Variants in TP53BP1 observed in about 807,000 individuals in gnomAD.
TP53BP1 encodes the protein tumor protein p53 binding protein 1.
In TP53BP1, 61 loss-of-function variants were observed where a neutral mutation model predicts 200.8. The ratio of observed to expected loss-of-function variants is 0.30; its 90% CI spans 0.25 to 0.38. The LOEUF (loss-of-function observed/expected upper bound fraction) is 0.38, where lower values mean the gene tolerates loss of function less well. TP53BP1 is among the 10% of genes least tolerant of loss of function. The probability of loss-of-function intolerance (pLI) is 1.00; values close to 1 mark genes in which losing one functional copy is unlikely to be tolerated. For missense variants in TP53BP1, 2,144 were observed against 2,371.9 expected, an observed-to-expected ratio of 0.90 and a Z score of 2.00; for synonymous variants, 822 against 844.3, an observed-to-expected ratio of 0.97 and a Z score of 0.46.
chr15:43,410,726 G>A (rs910633076), intron 24 of TP53BP1, among the ~76,000 whole-genome samples: 2 of 152,118 alleles, frequency 1.3e-5, no homozygotes, highest in African/African-American at 4.8e-5. Flanking sequence ...ACACCCAGTA[G>A]TAAAACTTAG....
upstream of TP53BP1, among the ~76,000 whole-genome samples, chr15:43,495,536 A>C (rs1180841241): frequency 2.9e-5 from 3 of 104,454 alleles, no homozygotes; most frequent in Admixed American, 9.3e-5. Context: ...CACACACAAA[A>C]GCCAGGTGCG....
At chr15:43,435,971 C>T (rs2045787476) in intron 16 of TP53BP1, among the ~76,000 whole-genome samples, 1 of 151,972 alleles carries the variant, frequency 6.6e-6, no homozygotes, top group East Asian at 1.9e-4. Flanking sequence ...GCTGGGATTA[C>T]AGGTGTGAGC....
chr15:43,441,662 C>T, intron 14 of TP53BP1, 79 bp from the exon 15 acceptor site: 2 of 916,868 alleles, frequency 2.2e-6, no homozygotes, highest in Non-Finnish European at 3.6e-6. Context: ...CTTCACTCTG[C>T]TCTACTAGTA....
At chr15:43,455,758 C>T in intron 12 of TP53BP1, 134 bp downstream of exon 12, 1 of 1,160,682 alleles carries the variant, frequency 8.6e-7, no homozygotes, top group East Asian at 2.6e-5. Flanking sequence ...TTTAATTTCC[C>T]AATTATTATT....
At chr15:43,493,509 G>T (rs2079158262), upstream of TP53BP1, among the ~76,000 whole-genome samples, 1 of 152,056 alleles carries the variant, frequency 6.6e-6, no homozygotes, top group Non-Finnish European at 1.5e-5. Context: ...CCTGGAAAAG[G>T]AGAGAGTTTC....
In TP53BP1 at chr15:43,404,497, C is replaced by T. The variant is rs745984711; in HGVS notation, c.*2886G>A. ...GATCAACTCAGATTTGGCTCAACTA[C>T]TGTTACGACTAGATTATAACAAATA... On this transcript the variant is annotated 3_prime_UTR_variant, in exon 28 of 28. Transcript: ENST00000382044. The T allele has an allele frequency of 1.9e-6, 3 of 1,614,166 alleles. No individual in the cohort carries two copies. The highest frequency in any genetic ancestry group is 1.6e-4 in the Middle Eastern group (1 of 6,062).
Position 43,432,254 on chromosome 15 carries a change from C to G in TP53BP1, c.3615G>C (p.Arg1205Ser). 5 of 1,614,172 alleles carry G rather than the reference C, an allele frequency of 3.1e-6. No homozygotes were observed. The highest frequency in any genetic ancestry group is 3.4e-6 in the Non-Finnish European group (4 of 1,180,008). ...GKQDATVQTE[R>S]GSGEKPVSAP... Reference sequence around the variant, plus strand: ...CACTGACTGGTTTCTCACCACTCCCCCTCTCAGTCTGAACTGTGGCATCTT... The same window carrying G: ...CACTGACTGGTTTCTCACCACTCCCGCTCTCAGTCTGAACTGTGGCATCTT... The change falls in exon 17 of 28, where the codon AGG becomes AGC. Residue 1205 changes from arginine (R) to serine (S), a missense_variant. By Grantham distance (110) the Arg-to-Ser change is moderately radical. Transcript: ENST00000382044.
chr15:43,466,726 G>A (rs1050686740), intron 11 of TP53BP1, among the ~76,000 whole-genome samples: 3 of 152,122 alleles, frequency 2.0e-5, no homozygotes, highest in African/African-American at 7.2e-5. Context: ...GTGTGATAGT[G>A]TGTGCCACTA....
At chr15:43,479,314 TAAA>T in intron 7 of TP53BP1, 80 bp downstream of exon 7, 1 of 1,373,540 alleles carries the variant, frequency 7.3e-7, no homozygotes, top group Non-Finnish European at 9.7e-7. Flanking sequence ...CAACAATTTC[TAAA>T]AATGTTTTCA....
At chr15:43,440,723 T>C (rs1301028362) in intron 15 of TP53BP1, among the ~76,000 whole-genome samples, 1 of 151,202 alleles carries the variant, frequency 6.6e-6, no homozygotes, top group African/African-American at 2.4e-5. Flanking sequence ...TCCTCATCTC[T>C]ACAAAAAATA....
At chr15:43,415,949 G>T in intron 22 of TP53BP1, 140 bp from the exon 23 acceptor site, 1 of 764,642 alleles carries the variant, frequency 1.3e-6, no homozygotes, top group Non-Finnish European at 2.1e-6. Flanking sequence ...TTCTTTTTAA[G>T]GCCATATTTT....
chr15:43,442,034 C>CA (rs2045935243), intron 14 of TP53BP1, among the ~76,000 whole-genome samples: 1 of 151,096 alleles, frequency 6.6e-6, no homozygotes, highest in Admixed American at 6.6e-5. Context: ...TTTGAGACAA[C>CA]AGTCTCGCTC....
chr15:43,475,276 A>C (rs1259645058), intron 9 of TP53BP1, among the ~76,000 whole-genome samples: 40 of 152,250 alleles, frequency 2.6e-4, no homozygotes. Flanking sequence ...AAGAATTGCA[A>C]GTAAAACAGA....
At position 43,421,177 on chromosome 15, in the gene TP53BP1, A is replaced by C; in HGVS notation, c.4101-3T>G. ...TCTGACTGACCCCTTTTCTAGGACTAGAGAATGAAGACAAGTTAGTCTGAT... is the reference window on the plus strand; with the variant it reads ...TCTGACTGACCCCTTTTCTAGGACTCGAGAATGAAGACAAGTTAGTCTGAT... On this transcript the variant is annotated splice_polypyrimidine_tract_variant and splice_region_variant and intron_variant, in intron 19 of 27. Coordinates refer to ENST00000382044, the MANE Select transcript of TP53BP1 (RefSeq NM_001141980.3). 6.2e-7 allele frequency: 1 copy of C among 1,613,628 alleles called. No homozygotes were observed. The highest frequency in any genetic ancestry group is 1.1e-5 in the South Asian group (1 of 91,014).
Position 43,492,313 on chromosome 15 carries a change from G to C in TP53BP1, c.163C>G (p.Leu55Val). The C allele has an allele frequency of 6.2e-7, 1 of 1,614,118 alleles. No individual in the cohort carries two copies. Among genetic ancestry groups the C allele is most frequent in the Non-Finnish European group, 8.5e-7 (1 of 1,180,008 alleles). ...FSMLSRHLPN[L>V]QTHKENPVLD... The stretch of plus-strand genomic sequence containing the variant: ...ACAGGATTTTCTTTGTGCGTCTGGA[G>C]ATTAGGAAGGTGTCGAGATAGCATA... Residue 55 changes from leucine to valine, a missense_variant, in exon 2 of 28, where the codon CTC becomes GTC. By Grantham distance (32) the Leu-to-Val change is conservative (BLOSUM62 1). Around this residue, in one of 4 missense-constraint regions of TP53BP1, gnomAD observed 1,700 missense variants for 1,710.3 expected, o/e 0.99. Transcript: ENST00000382044.
intron 10 of TP53BP1, among the ~76,000 whole-genome samples, chr15:43,473,012 C>G (rs1269228957): frequency 2.0e-5 from 3 of 152,002 alleles, no homozygotes; most frequent in Non-Finnish European, 4.4e-5. Context: ...TTCGTGGTCT[C>G]GCTGGTTCAG....
intron 1 of TP53BP1, among the ~76,000 whole-genome samples, chr15:43,503,342 T>C (rs1396345845): frequency 1.3e-5 from 2 of 152,208 alleles, no homozygotes; most frequent in Non-Finnish European, 2.9e-5. Flanking sequence ...ATTCATGCAG[T>C]ATGTACTGTG....
At chr15:43,481,912 C>G (rs898100192) in intron 4 of TP53BP1, among the ~76,000 whole-genome samples, 2 of 151,530 alleles carry the variant, frequency 1.3e-5, no homozygotes, top group African/African-American at 4.9e-5. Flanking sequence ...TGGGCACAAG[C>G]AAACTCCATA....
upstream of TP53BP1, among the ~76,000 whole-genome samples, chr15:43,494,163 T>C (rs2079164816): frequency 6.6e-6 from 1 of 152,186 alleles, no homozygotes. Flanking sequence ...CAGCTGTCAA[T>C]AGGGAAAGCA....
Sources: gnomAD v4.1 joint callset for allele counts (sites outside exome capture counted in the v4.1 genomes callset) on GRCh38, gnomAD v4.1.1 for gene constraint, gnomAD v4.1.1 regional missense constraint, MANE v1.5 for transcripts, NCBI Gene and HGNC (gene_info 2026-07-23, HGNC 2026-07-21) for gene names.